Variants in ZNF44 observed in about 807,000 individuals in gnomAD.
ZNF44 encodes the protein gonadotropin inducible transcription repressor-2.
ZNF44 carries 9 observed loss-of-function variants against 11.7 expected under a neutral mutation model. The observed-to-expected ratio is 0.77, with a 90% CI of 0.46 to 1.35. The LOEUF is 1.35. ZNF44 is among the 40% of genes most tolerant of loss of function. ZNF44 has a pLI of 0.00. For missense variants in ZNF44, 696 were observed against 743.1 expected (o/e 0.94, Z 0.74); for synonymous variants, 224 against 242.7 (o/e 0.92, Z 0.72).
chr19:12,286,505 G>A (rs2145759673), intron 1 of ZNF44, among the ~76,000 whole-genome samples: 1 of 151,280 alleles, frequency 6.6e-6, no homozygotes. Flanking sequence ...GTGGTGGCGG[G>A]TGCCTGTAGT....
downstream of ZNF44, among the ~76,000 whole-genome samples, chr19:12,246,530 T>C (rs528282603): frequency 2.4e-4 from 32 of 135,128 alleles, no homozygotes; most frequent in Admixed American, 1.3e-3. Flanking sequence ...AACTGTCATT[T>C]TTCAATGGCC....
chr19:12,257,622 C>CTAAAAATATTAAAAT (rs1568432514), intron 5 of ZNF44, among the ~76,000 whole-genome samples: 1 of 146,762 alleles, frequency 6.8e-6, no homozygotes, highest in Non-Finnish European at 1.5e-5. Context: ...TCCGTCTCTA[C>CTAAAAATATTAAAAT]TAAAAATATA....
Position 12,273,373 on chromosome 19 carries a change from A to G in ZNF44, c.882T>C (p.Gly294=), listed in dbSNP as rs774307466. The G allele has an allele frequency of 8.7e-6, 14 of 1,613,348 alleles. No homozygotes were observed. In the Admixed American group the frequency reaches 1.0e-4, roughly 12 times the overall value. Residue 294 remains glycine (G), a synonymous_variant, in exon 4 of 4, where the codon GGT becomes GGC. Coordinates refer to ENST00000355684, the MANE Select transcript of ZNF44 (RefSeq NM_016264.4). ...GAATTCTTTCATGTACTCGAAGGGA[A>G]CCGGAAACACTGAAGGCTTTCCCAC... The part of the protein sequence containing the change: ...KQCGKAFSVS[G]SLRVHERIHT...
At chr19:12,286,624 G>A (rs1343691405) in intron 1 of ZNF44, among the ~76,000 whole-genome samples, 3 of 149,470 alleles carry the variant, frequency 2.0e-5, no homozygotes, top group Non-Finnish European at 3.0e-5. Flanking sequence ...GTGAAAGAGC[G>A]AGACTTGGTC....
rs1917461905 is a variant in ZNF44, at chr19:12,260,469, G to A, written c.1913-10101C>T. 39 of 1,343,020 alleles carry A rather than the reference G, an allele frequency of 2.9e-5. No individual in the cohort carries two copies. In the South Asian group the frequency reaches 4.2e-4, roughly 15 times the overall value. 83.2% of individuals were successfully genotyped at this position (1,343,020 alleles called of 1,614,324 possible). ...CATGGCAGCCATCCGCAGGGTCAGC[G>A]CCATCCTGTGCAGCCAGAAGCCTGT... On this transcript the variant is annotated intron_variant and NMD_transcript_variant, in intron 5 of 7. Coordinates refer to the ZNF44 transcript ENST00000393337.
At chr19:12,255,013 T>C (rs1282005317) in intron 5 of ZNF44, among the ~76,000 whole-genome samples, 1 of 150,148 alleles carries the variant, frequency 6.7e-6, no homozygotes. Context: ...CACTTGAACC[T>C]GGGAGGCAGA....
intron 2 of ZNF44, among the ~76,000 whole-genome samples, chr19:12,275,261 T>C (rs1967167116): frequency 6.6e-6 from 1 of 152,190 alleles, no homozygotes; most frequent in Non-Finnish European, 1.5e-5. Context: ...GCCTACTCAA[T>C]GTGAAGATGA....
intron 5 of ZNF44, among the ~76,000 whole-genome samples, chr19:12,252,763 A>C (rs1917062108): frequency 6.6e-6 from 1 of 151,986 alleles, no homozygotes; most frequent in South Asian, 2.1e-4. Context: ...ATATGTTAAG[A>C]GAGGGAAAAA....
At chr19:12,255,634 A>T (rs1487916295) in intron 5 of ZNF44, among the ~76,000 whole-genome samples, 1 of 152,196 alleles carries the variant, frequency 6.6e-6, no homozygotes, top group African/African-American at 2.4e-5. Context: ...CCTCTCACAC[A>T]GCATTTCTAT....
chr19:12,284,547 A>G, intron 1 of ZNF44: 1 of 709,234 alleles, frequency 1.4e-6, no homozygotes, highest in Non-Finnish European at 2.6e-6. Flanking sequence ...CCTGGAGGAG[A>G]TCTATCTCTT....
intron 1 of ZNF44, among the ~76,000 whole-genome samples, chr19:12,235,326 G>A (rs1483233330): frequency 1.3e-5 from 2 of 152,142 alleles, no homozygotes; most frequent in Non-Finnish European, 2.9e-5. Flanking sequence ...CCGAGATCGC[G>A]CCACTGCAGT....
intron 5 of ZNF44, among the ~76,000 whole-genome samples, chr19:12,252,206 G>A (rs1917036073): frequency 6.6e-6 from 1 of 152,126 alleles, no homozygotes; most frequent in Admixed American, 6.6e-5. Flanking sequence ...AATTTAAGAA[G>A]GAAGTGATTC....
rs775450410 is a variant in ZNF44 at position 12,273,092 on chromosome 19, G to A, written c.1163C>T (p.Thr388Ile). ...TGTGCATTTATGAGGGCCATCTCCA[G>A]TGTGTGCCATCATGTGTCTTCGAAA... ...SSFRRHMMAHTGDGPHKCTVC... is the reference protein window; with the variant it reads ...SSFRRHMMAHIGDGPHKCTVC... Residue 388 changes from threonine (T) to isoleucine (I), a missense_variant, in exon 4 of 4, where the codon ACT becomes ATT. Coordinates refer to ENST00000355684, the MANE Select transcript of ZNF44 (RefSeq NM_016264.4). The A allele has an allele frequency of 1.4e-5, 23 of 1,614,016 alleles. No homozygotes were observed. The highest frequency in any genetic ancestry group is 1.9e-5 in the Non-Finnish European group (22 of 1,179,934).
At chr19:12,286,812 G>A (rs562855793) in intron 1 of ZNF44, among the ~76,000 whole-genome samples, 202 of 151,432 alleles carry the variant, frequency 1.3e-3, no homozygotes, top group African/African-American at 4.8e-3. Flanking sequence ...TTAGCCAGGC[G>A]TGGTGGTGCA....
chr19:12,259,491 T>C (rs1265021732), intron 5 of ZNF44, among the ~76,000 whole-genome samples: 4 of 152,248 alleles, frequency 2.6e-5, no homozygotes, highest in East Asian at 1.9e-4. Context: ...ATTCCTTTAA[T>C]ACATTTCCAA....
upstream of ZNF44, among the ~76,000 whole-genome samples, chr19:12,239,225 GC>G (rs754648507): frequency 1.3e-5 from 2 of 151,820 alleles, no homozygotes; most frequent in Non-Finnish European, 2.9e-5. Context: ...CAGTTCTCCT[GC>G]CTCAGCCTCC....
chr19:12,288,553 C>G, intron 1 of ZNF44, among the ~76,000 whole-genome samples: 2 of 151,018 alleles, frequency 1.3e-5, no homozygotes, highest in East Asian at 3.9e-4. Context: ...ACCAGCCTGG[C>G]CAACATGATG....
exon 8 of ZNF44, chr19:12,248,474 C>G: frequency 7.7e-7 from 1 of 1,290,992 alleles, no homozygotes; most frequent in Non-Finnish European, 1.0e-6. Context: ...ATTCCTGACA[C>G]TTATACAGTT....
intron 1 of ZNF44, among the ~76,000 whole-genome samples, chr19:12,282,514 C>G (rs1025075053): frequency 2.0e-5 from 3 of 151,562 alleles, no homozygotes; most frequent in Non-Finnish European, 4.4e-5. Flanking sequence ...CTCCGCCTCC[C>G]AGGTTCAAAC....
Sources: allele counts gnomAD v4.1 joint callset (sites outside exome capture counted in the v4.1 genomes callset), GRCh38; gene constraint gnomAD v4.1.1; transcripts MANE v1.5; gene names NCBI Gene and HGNC (gene_info 2026-07-23, HGNC 2026-07-21).